ANKRD18A: variants seen among roughly 807,000 people sequenced by gnomAD.
ANKRD18A encodes the protein ankyrin repeat domain 18A.
A neutral mutation model predicts 110.6 loss-of-function variants in ANKRD18A; 72 were observed. That is an observed-to-expected ratio of 0.65 (90% confidence interval 0.54 to 0.79). The LOEUF (loss-of-function observed/expected upper bound fraction) is 0.79, where lower values mean the gene tolerates loss of function less well. Among genes scored for constraint, ANKRD18A ranks in the 30% least tolerant of loss-of-function variants. The pLI, the probability that ANKRD18A is intolerant of heterozygous loss-of-function variation, is 0.00. For synonymous variants in ANKRD18A, 305 were observed against 410.3 expected, an observed-to-expected ratio of 0.74 and a Z score of 3.10; for missense variants, 934 against 1,163.3, an observed-to-expected ratio of 0.80 and a Z score of 2.87.
rs192753840 is a variant in ANKRD18A at position 38,617,153 on chromosome 9, G to T, written c.207-1109C>A. Reference sequence around the variant, plus strand: ...CTTCTTACTTTGATTTTTAAAAATGGGAAGCTGGCCGGGCCCAGTGGCTCA... The same window carrying T: ...CTTCTTACTTTGATTTTTAAAAATGTGAAGCTGGCCGGGCCCAGTGGCTCA... On this transcript the variant is annotated intron_variant, in intron 1 of 15. Coordinates refer to ENST00000399703, the MANE Select transcript of ANKRD18A (RefSeq NM_147195.4). Among the ~76,000 whole-genome samples the T allele has an allele frequency of 9.8e-4, 149 of 152,234 alleles. 1 individual carries two copies. In the Middle Eastern group the frequency reaches 0.031, roughly 31 times the overall value.
At position 38,596,016 on chromosome 9, in the gene ANKRD18A, G is replaced by C. The variant is rs746349646; in HGVS notation, c.1324C>G (p.Leu442Val). Reference protein sequence around the residue: ...EYNEIVERKDLELVLWRADDV... With the variant: ...EYNEIVERKDVELVLWRADDV... ...TCTGCTCTCCATAAAACTAGTTCTA[G>C]GTCTTTTCTTTCCACAATTTCATTG... is the stretch of plus-strand genomic sequence containing the variant. Residue 442 changes from leucine to valine, a missense_variant, in exon 9 of 16, where the codon CTA becomes GTA. This residue lies in a region of ANKRD18A where 630 missense variants were observed against 797.5 expected (regional missense o/e 0.79). Coordinates refer to ENST00000399703, the MANE Select transcript of ANKRD18A (RefSeq NM_147195.4). 11 of 1,549,978 alleles carry C rather than the reference G, an allele frequency of 7.1e-6. No individual in the cohort carries two copies. The South Asian group carries it at 1.3e-4, about 19-fold the overall frequency.
chr9:38,601,196 T>C lies in ANKRD18A; in HGVS notation c.871A>G (p.Asn291Asp). The C allele has an allele frequency of 6.4e-7, 1 of 1,556,370 alleles. No homozygotes were observed. The highest frequency in any genetic ancestry group is 8.7e-7 in the Non-Finnish European group (1 of 1,149,154). The change falls in exon 8 of 16, where the codon AAC (asparagine) becomes GAC (aspartate). Residue 291 changes from asparagine to aspartate, a missense_variant. Transcript: ENST00000399703. The part of the protein sequence containing the change: ...KRKERAKAEH[N>D]LKVASEEKQE... ...TTTTCCTCTGAAGCCACTTTTAGGT[T>C]GTGTTCTGCTGACAAATCCATATGT... is the stretch of plus-strand genomic sequence containing the variant.
rs187741737 is a variant in ANKRD18A at position 38,584,613 on chromosome 9, C to A, written c.2247+1570G>T. Among the ~76,000 whole-genome samples, 923 of 152,248 alleles carry A rather than the reference C, an allele frequency of 6.1e-3. 13 individuals are homozygous for A. Among genetic ancestry groups the A allele is most frequent in the African/African-American group, 0.02 (848 of 41,550 alleles). On this transcript the variant is annotated intron_variant, in intron 12 of 15. Transcript: ENST00000399703. ...TTATTTGGTACTAGTGATCTGGAGA[C>A]ATGGGCTGCTTCGTTTCAGATCACT...
intron 11 of ANKRD18A, among the ~76,000 whole-genome samples, chr9:38,588,187 TA>T (rs1824466823): frequency 6.6e-6 from 1 of 152,206 alleles, no homozygotes; most frequent in Non-Finnish European, 1.5e-5. Flanking sequence ...ATATTTTTAA[TA>T]TAAATTTTTT....
intron 15 of ANKRD18A, among the ~76,000 whole-genome samples, chr9:38,575,222 G>A (rs186493098): frequency 3.3e-5 from 5 of 152,246 alleles, no homozygotes; most frequent in African/African-American, 1.2e-4. Flanking sequence ...CTTAAATGCA[G>A]CTTTTAAAGA....
downstream of ANKRD18A, chr9:38,571,267 A>G: frequency 7.0e-7 from 1 of 1,438,658 alleles, no homozygotes; most frequent in Non-Finnish European, 9.1e-7. Context: ...TGCTGACAGA[A>G]TAATGGGGAC....
In ANKRD18A at chr9:38,620,517, C is replaced by G; in HGVS notation, c.-232G>C. ...CTTCAGCAGCGACACTCGCAGACTC[C>G]GACCTCTCAGACCGAGTGAGCCCAG... On this transcript the variant is annotated 5_prime_UTR_variant, in exon 1 of 16. Coordinates refer to ENST00000399703, the MANE Select transcript of ANKRD18A (RefSeq NM_147195.4). 2 of 1,399,910 alleles carry G rather than the reference C, an allele frequency of 1.4e-6. No individual in the cohort carries two copies. Among genetic ancestry groups the G allele is most frequent in the Non-Finnish European group, 1.9e-6 (2 of 1,076,654 alleles). 86.7% of individuals were successfully genotyped at this position (1,399,910 alleles called of 1,614,324 possible).
chr9:38,582,066 T>TTTC (rs1824188502), intron 12 of ANKRD18A, among the ~76,000 whole-genome samples: 1 of 152,174 alleles, frequency 6.6e-6, no homozygotes, highest in African/African-American at 2.4e-5. Context: ...TGAAAGATGA[T>TTTC]GACTTCACTT....
intron 15 of ANKRD18A, 49 bp downstream of exon 15, chr9:38,575,427 A>G: frequency 6.8e-7 from 1 of 1,475,648 alleles, no homozygotes; most frequent in Non-Finnish European, 9.1e-7. Flanking sequence ...ATAGACAAGA[A>G]TTATATTAGA....
At chr9:38,577,357 G>T in intron 13 of ANKRD18A, 93 bp from the exon 14 acceptor site, 3 of 1,277,034 alleles carry the variant, frequency 2.3e-6, no homozygotes, top group Non-Finnish European at 3.2e-6. Context: ...GATTCGAAGA[G>T]CAATTTTGAG....
At chr9:38,572,280 A>G (rs1823681129) in intron 15 of ANKRD18A, 1 of 383,006 alleles carries the variant, frequency 2.6e-6, no homozygotes, top group African/African-American at 2.2e-5. Context: ...CATGTACTCA[A>G]CAGCCACGTG....
chr9:38,620,390 C>A lies in ANKRD18A; in HGVS notation c.-105G>T. 1 of 1,347,498 alleles carries A rather than the reference C, an allele frequency of 7.4e-7. No homozygotes were observed. Among genetic ancestry groups the A allele is most frequent in the Non-Finnish European group, 9.9e-7 (1 of 1,011,380 alleles). 83.5% of individuals were successfully genotyped at this position (1,347,498 alleles called of 1,614,324 possible). On this transcript the variant is annotated 5_prime_UTR_variant, in exon 1 of 16. Transcript: ENST00000399703. ...CAAATCCGCGATCTCCCCCGCAACC[C>A]GCGATCCCCCCCGCAACCCGCGATC...
rs977115335 is a variant in ANKRD18A at position 38,596,365 on chromosome 9, A to C, written c.975T>G (p.Tyr325Ter). 6.8e-7 allele frequency: 1 copy of C among 1,475,134 alleles called. No individual in the cohort carries two copies. Among genetic ancestry groups the C allele is most frequent in the Non-Finnish European group, 9.0e-7 (1 of 1,114,076 alleles). The allele number at this position is 1,475,134 out of a possible 1,614,324, so 91.4% of individuals were successfully genotyped here. ...TGTCTTTCTTCAACATAAAATTTCC[A>C]TACATCGCATCCTTCTTTTTTCCGT... ...QSYGKKKDAM[Y>*]GNFMLKKDIA... The change falls in exon 9 of 16, where the codon TAT (tyrosine) becomes TAG (stop). Residue 325 changes from tyrosine to a stop codon, truncating the protein, a stop_gained. Transcript: ENST00000399703. LOFTEE classifies it high-confidence loss of function.
intron 6 of ANKRD18A, among the ~76,000 whole-genome samples, chr9:38,603,913 A>G (rs1225352422): frequency 2.0e-5 from 3 of 152,232 alleles, no homozygotes; most frequent in Admixed American, 6.5e-5. Context: ...TCTTCAAAAC[A>G]TAAGTGATTA....
At chr9:38,578,635 A>G (rs1244163794) in intron 12 of ANKRD18A, among the ~76,000 whole-genome samples, 2 of 152,096 alleles carry the variant, frequency 1.3e-5, no homozygotes, top group African/African-American at 4.8e-5. Flanking sequence ...CCAGCACTTT[A>G]GGAGGCTGTG....
intron 4 of ANKRD18A, among the ~76,000 whole-genome samples, chr9:38,610,808 G>C (rs984712897): frequency 2.6e-5 from 4 of 151,414 alleles, no homozygotes; most frequent in Non-Finnish European, 4.4e-5. Context: ...AAATAAATAA[G>C]AGCTATCTGC....
intron 12 of ANKRD18A, among the ~76,000 whole-genome samples, chr9:38,585,142 G>A (rs1309360945): frequency 6.6e-6 from 1 of 152,084 alleles, no homozygotes; most frequent in African/African-American, 2.4e-5. Flanking sequence ...ATCTAGGGAA[G>A]ATTAACTAAG....
chr9:38,604,319 A>G (rs930235700), intron 6 of ANKRD18A: 6 of 152,030 alleles, frequency 3.9e-5, no homozygotes, highest in Non-Finnish European at 7.3e-5. Context: ...AAATTTACAA[A>G]AAGTCCCCTG....
chr9:38,611,133 T>C, intron 4 of ANKRD18A, 82 bp downstream of exon 4: 2 of 1,464,022 alleles, frequency 1.4e-6, no homozygotes. Context: ...CTTATTAACA[T>C]TTCTGACTTG....
Sources: allele counts gnomAD v4.1 joint callset (sites outside exome capture counted in the v4.1 genomes callset), GRCh38; gene constraint gnomAD v4.1.1; regional missense constraint gnomAD v4.1.1; transcripts MANE v1.5; gene names NCBI Gene and HGNC (gene_info 2026-07-23, HGNC 2026-07-21).